The following GRM8 variants were observed in gnomAD, a reference collection of about 807,000 sequenced individuals.
The protein encoded by GRM8 is glutamate metabotropic receptor 8, also known as metabotropic glutamate receptor 8.
Under a neutral mutation model 87.2 loss-of-function variants are expected in GRM8, and 47 were observed. The ratio of observed to expected loss-of-function variants is 0.54; its 90% confidence interval spans 0.43 to 0.69. GRM8 has a LOEUF of 0.69. Among genes scored for constraint, GRM8 ranks in the 30% least tolerant of loss-of-function variants. GRM8 has a pLI of 0.00. For synonymous variants in GRM8, 396 were observed against 404.5 expected, an observed-to-expected ratio of 0.98 and a Z score of 0.25; for missense variants, 1,019 against 1,139.2, an observed-to-expected ratio of 0.89 and a Z score of 1.52.
chr7:127,132,581 G>A (rs149204264), intron 2 of GRM8, among the ~76,000 whole-genome samples: 188 of 152,194 alleles, frequency 1.2e-3, no homozygotes, highest in African/African-American at 4.3e-3. Context: ...GAAATAGTGT[G>A]TGGGAGAGAT....
intron 8 of GRM8, among the ~76,000 whole-genome samples, chr7:126,588,145 T>C (rs1397040873): frequency 1.3e-5 from 2 of 152,202 alleles, no homozygotes; most frequent in African/African-American, 4.8e-5. Flanking sequence ...CCCATGGCTC[T>C]GACAGCTAGA....
chr7:127,001,080 T>C (rs919547461), intron 3 of GRM8, among the ~76,000 whole-genome samples: 1 of 151,668 alleles, frequency 6.6e-6, no homozygotes, highest in Non-Finnish European at 1.5e-5. Context: ...GTAGATGTAT[T>C]GATCAATAGA....
At chr7:126,571,690 C>T (rs1383038216) in intron 8 of GRM8, among the ~76,000 whole-genome samples, 3 of 151,838 alleles carry the variant, frequency 2.0e-5, no homozygotes, top group Non-Finnish European at 2.9e-5. Flanking sequence ...AGGGCAAAAA[C>T]AAGTCAATCG....
chr7:127,116,403 G>A (rs1042476330), intron 2 of GRM8, among the ~76,000 whole-genome samples: 2 of 152,062 alleles, frequency 1.3e-5, no homozygotes, highest in African/African-American at 4.8e-5. Context: ...CCCACTACAT[G>A]CCAGACACGG....
At chr7:127,085,853 G>T (rs1823412455) in intron 3 of GRM8, among the ~76,000 whole-genome samples, 1 of 152,068 alleles carries the variant, frequency 6.6e-6, no homozygotes, top group East Asian at 1.9e-4. Context: ...CATTGCTTTT[G>T]GTGTTTTAGT....
chr7:126,819,155 G>T (rs895566098), intron 6 of GRM8, among the ~76,000 whole-genome samples: 1 of 152,016 alleles, frequency 6.6e-6, no homozygotes, highest in Non-Finnish European at 1.5e-5. Flanking sequence ...TCTTTGGATG[G>T]CAAACAAGCA....
At chr7:126,812,813 T>C (rs1465686054) in intron 6 of GRM8, among the ~76,000 whole-genome samples, 1 of 152,046 alleles carries the variant, frequency 6.6e-6, no homozygotes, top group Non-Finnish European at 1.5e-5. Context: ...AGAGCAGGTA[T>C]GCTTTTGCAG....
At position 126,514,647 on chromosome 7, in the gene GRM8, A is replaced by C. The variant is rs181230915; in HGVS notation, c.2430+18305T>G. Among the ~76,000 whole-genome samples, 365 of 152,222 alleles carry C rather than the reference A, an allele frequency of 2.4e-3. 1 individual carries two copies. Among genetic ancestry groups the C allele is most frequent in the Admixed American group, 4.9e-3 (75 of 15,254 alleles). On this transcript the variant is annotated intron_variant, in intron 9 of 10. Coordinates refer to ENST00000339582, the MANE Select transcript of GRM8 (RefSeq NM_000845.3). ...AGAGGAACTTTGAATATGACTTTAA[A>C]ACATTTTACACCCAAGAAAATATCA...
At chr7:126,758,742 A>G in intron 7 of GRM8, among the ~76,000 whole-genome samples, 1 of 152,188 alleles carries the variant, frequency 6.6e-6, no homozygotes, top group East Asian at 1.9e-4. Context: ...TAGCTTAGCT[A>G]GAGACAAGGT....
chr7:126,615,555 C>T lies in GRM8; in HGVS notation c.1358-6057G>A, dbSNP rs1799394910. On this transcript the variant is annotated intron_variant, in intron 7 of 10. Transcript: ENST00000339582. Reference sequence around the variant, plus strand: ...ACCTTAAATATAAATGGGCTAAATGCTCCAATTAAAAGACACAGACTGGCA... The same window carrying T: ...ACCTTAAATATAAATGGGCTAAATGTTCCAATTAAAAGACACAGACTGGCA... Among the ~76,000 whole-genome samples, 5 of 152,272 alleles carry T rather than the reference C, an allele frequency of 3.3e-5. No homozygotes were observed. In the South Asian group the frequency reaches 1.0e-3, roughly 32 times the overall value.
In GRM8 at chr7:127,243,106, G is replaced by A; in HGVS notation, c.99C>T (p.Ser33=). The part of the protein sequence containing the change: ...WILTMMQRTH[S]QEYAHSIRVD... Reference sequence around the variant, plus strand: ...CCCGTATGGAATGGGCATACTCCTGGCTGTGAGTTCTTTGCATCATTGTGA... The same window carrying A: ...CCCGTATGGAATGGGCATACTCCTGACTGTGAGTTCTTTGCATCATTGTGA... The change falls in exon 2 of 11, where the codon AGC becomes AGT. Residue 33 remains serine, a synonymous_variant. Transcript: ENST00000339582. 6.2e-7 allele frequency: 1 copy of A among 1,613,998 alleles called. No individual in the cohort carries two copies. Among genetic ancestry groups the A allele is most frequent in the Non-Finnish European group, 8.5e-7 (1 of 1,179,938 alleles).
At chr7:127,083,741 G>T (rs1365031747) in intron 3 of GRM8, among the ~76,000 whole-genome samples, 2 of 151,990 alleles carry the variant, frequency 1.3e-5, no homozygotes, top group African/African-American at 4.8e-5. Flanking sequence ...TTTCACAAAA[G>T]GAATGCTGCT....
intron 7 of GRM8, among the ~76,000 whole-genome samples, chr7:126,650,545 T>C (rs1803703704): frequency 2.0e-5 from 3 of 152,190 alleles, no homozygotes; most frequent in Admixed American, 1.3e-4. Context: ...AATGGCCAGA[T>C]GTGTGATTAT....
chr7:126,789,996 G>A (rs2151669966), intron 6 of GRM8, among the ~76,000 whole-genome samples: 1 of 151,470 alleles, frequency 6.6e-6, no homozygotes, highest in Middle Eastern at 3.4e-3. Flanking sequence ...CTCTATGTGA[G>A]AACACATTCT....
intron 3 of GRM8, among the ~76,000 whole-genome samples, chr7:127,001,883 A>T (rs891038476): frequency 1.3e-5 from 2 of 151,682 alleles, no homozygotes; most frequent in African/African-American, 4.8e-5. Context: ...TGTTATTATC[A>T]TTACATGCAA....
intron 2 of GRM8, among the ~76,000 whole-genome samples, chr7:127,179,547 G>T (rs1011747454): frequency 6.6e-6 from 1 of 151,860 alleles, no homozygotes; most frequent in Admixed American, 6.6e-5. Flanking sequence ...CAAAATACAC[G>T]TTCTATTTAA....
Position 126,609,457 on chromosome 7 carries a change from C to G in GRM8, c.1399G>C (p.Ala467Pro), listed in dbSNP as rs569638270. 6.2e-7 allele frequency: 1 copy of G among 1,611,602 alleles called. No individual in the cohort carries two copies. The highest frequency in any genetic ancestry group is 1.3e-5 in the African/African-American group (1 of 75,004). The stretch of plus-strand genomic sequence containing the variant: ...TGGAAGATATCATAACGTCCAGGAG[C>G]ATCTCCGTTTTCATTAAAAGTGACA... The part of the protein sequence containing the change: ...TPVTFNENGD[A>P]PGRYDIFQYQ... Residue 467 changes from alanine to proline, a missense_variant, in exon 8 of 11, where the codon GCT (alanine) becomes CCT (proline). Physicochemically the swap from Ala to Pro is conservative, Grantham distance 27. Transcript: ENST00000339582.
At chr7:126,808,169 A>G (rs1342063350) in intron 6 of GRM8, among the ~76,000 whole-genome samples, 1 of 152,226 alleles carries the variant, frequency 6.6e-6, no homozygotes, top group Non-Finnish European at 1.5e-5. Flanking sequence ...CATAAGAAGT[A>G]GACTCTTTTA....
chr7:127,004,729 A>C (rs939142282), intron 3 of GRM8, among the ~76,000 whole-genome samples: 5 of 151,798 alleles, frequency 3.3e-5, no homozygotes, highest in African/African-American at 1.2e-4. Flanking sequence ...AGATTTCCAG[A>C]ATCGTAACCT....
Sources: gnomAD v4.1 joint callset for allele counts (sites outside exome capture counted in the v4.1 genomes callset) on GRCh38, gnomAD v4.1.1 for gene constraint, MANE v1.5 for transcripts, NCBI Gene and HGNC (gene_info 2026-07-23, HGNC 2026-07-21) for gene names.